Variants in ERF observed in about 807,000 individuals in gnomAD.
The protein encoded by ERF is ETS2 repressor factor, also known as ETS domain-containing transcription factor ERF.
Under a neutral mutation model 41.6 loss-of-function variants are expected in ERF, and 10 were observed. That is an observed-to-expected ratio of 0.24 (90% CI 0.15 to 0.41). ERF has a LOEUF of 0.41. Among genes scored for constraint, ERF ranks in the 10% least tolerant of loss-of-function variants. The pLI, the probability that ERF is intolerant of heterozygous loss-of-function variation, is 1.00. For missense variants in ERF, 621 were observed against 763.2 expected (o/e 0.81, Z 2.19); for synonymous variants, 395 against 342.4 (o/e 1.15, Z -1.70).
Position 42,248,590 on chromosome 19 carries a change from C to T in ERF, c.1522G>A (p.Gly508Ser), listed in dbSNP as rs1327099355. 1.9e-6 allele frequency: 3 copies of T among 1,585,388 alleles called. No individual in the cohort carries two copies. Among genetic ancestry groups the T allele is most frequent in the African/African-American group, 2.7e-5 (2 of 74,088 alleles). ...GGPAGGFEDE[G>S]EDKKVRGEGP... ...TCCCCACGCACCTTCTTGTCCTCAC[C>T]CTCATCCTCAAAGCCCCCAGCGGGG... The change falls in exon 4 of 4, where the codon GGT (glycine) becomes AGT (serine). Residue 508 changes from glycine (G) to serine (S), a missense_variant. Physicochemically the swap from Gly to Ser is moderately conservative, Grantham distance 56 (BLOSUM62 0). Around this residue, in one of 3 missense-constraint regions of ERF, gnomAD observed 569 missense variants for 625.5 expected, o/e 0.91. Transcript: ENST00000222329. The surrounding 1 kb of genome is among the most constrained non-coding windows in gnomAD (Gnocchi z 4.2).
Position 42,248,897 on chromosome 19 carries a change from A to C in ERF, c.1215T>G (p.Ser405Arg). 1 of 1,607,606 alleles carries C rather than the reference A, an allele frequency of 6.2e-7. No individual in the cohort carries two copies. The highest frequency in any genetic ancestry group is 8.5e-7 in the Non-Finnish European group (1 of 1,179,178). ...AVAGADKSGGSAGGLAEGAGA... is the reference protein window; with the variant it reads ...AVAGADKSGGRAGGLAEGAGA... ...CTGCCCCCTCAGCCAGCCCGCCTGC[A>C]CTGCCACCGCTCTTGTCAGCACCGG... The change falls in exon 4 of 4, where the codon AGT (serine) becomes AGG (arginine). Residue 405 changes from serine (S) to arginine (R), a missense_variant. Physicochemically the swap from Ser to Arg is moderately radical, Grantham distance 110 (BLOSUM62 -1). Coordinates refer to ENST00000222329, the MANE Select transcript of ERF (RefSeq NM_006494.4). The surrounding 1 kb of genome is among the most constrained non-coding windows in gnomAD (Gnocchi z 4.2).
chr19:42,249,419 G>A lies in ERF; in HGVS notation c.693C>T (p.Val231=). ...PLARLPHDPG[V]FRVYPRPRGG... ...CCCGAGGCCGGGGATAGACTCGGAA[G>A]ACACCAGGGTCATGGGGCAGGCGGG... Residue 231 remains valine, a synonymous_variant, in exon 4 of 4, where the codon GTC becomes GTT. Coordinates refer to ENST00000222329, the MANE Select transcript of ERF (RefSeq NM_006494.4). This position sits in a 1 kb window ranked among gnomAD's most constrained non-coding sequence, Gnocchi z 8.6. 3.8e-6 allele frequency: 6 copies of A among 1,587,580 alleles called. No homozygotes were observed. The South Asian group carries it at 6.8e-5, about 18-fold the overall frequency.
chr19:42,250,139 A>C lies in ERF; in HGVS notation c.257+192T>G. On this transcript the variant is annotated intron_variant, in intron 2 of 3. Transcript: ENST00000222329. The surrounding 1 kb of genome is among the most constrained non-coding windows in gnomAD (Gnocchi z 5.1). ...GGCAGGACTAGAGGATCCACTGGTG[A>C]CTGTAATCTCTCCTCAGGATACGTC... The C allele has an allele frequency of 1.3e-6, 1 of 751,742 alleles. No individual in the cohort carries two copies. Among genetic ancestry groups the C allele is most frequent in the Non-Finnish European group, 2.2e-6 (1 of 458,012 alleles). 46.6% of individuals were successfully genotyped at this position (751,742 alleles called of 1,614,324 possible). A position where few individuals can be genotyped will look rare whatever the true frequency, so the allele number is the denominator to read the frequency against.
intron 1 of ERF, chr19:42,254,701 C>A (rs939239429): frequency 3.3e-5 from 11 of 336,586 alleles, no homozygotes; most frequent in Non-Finnish European, 6.0e-5. Flanking sequence ...CCCCCGTGAT[C>A]CCGGGAGTGG....
chr19:42,254,380 G>C (rs568408045), intron 1 of ERF, among the ~76,000 whole-genome samples: 5 of 152,082 alleles, frequency 3.3e-5, no homozygotes, highest in East Asian at 1.9e-4. Context: ...TTTTTCGAAC[G>C]TTCGGGCTGC....
In ERF at chr19:42,248,819, C is replaced by G; in HGVS notation, c.1293G>C (p.Ser431=). 6.2e-7 allele frequency: 1 copy of G among 1,613,220 alleles called. No individual in the cohort carries two copies. Among genetic ancestry groups the G allele is most frequent in the Non-Finnish European group, 8.5e-7 (1 of 1,179,872 alleles). Residue 431 remains serine, a synonymous_variant, in exon 4 of 4, where the codon TCG becomes TCC. Transcript: ENST00000222329. This position sits in a 1 kb window ranked among gnomAD's most constrained non-coding sequence, Gnocchi z 4.2. ...PPPQIKVEPI[S]EGESEEVEVT... ...CCTCTACCTCCTCCGACTCGCCTTC[C>G]GAGATGGGCTCCACCTTGATCTGTG...
In ERF at chr19:42,248,393, G is replaced by A; in HGVS notation, c.*72C>T. ...GACAAGAGAGCTGCCCTCACCTCCA[G>A]GGCATAGGGGGCTTAAGGCAGCAAA... On this transcript the variant is annotated 3_prime_UTR_variant, in exon 4 of 4. Coordinates refer to ENST00000222329, the MANE Select transcript of ERF (RefSeq NM_006494.4). This position sits in a 1 kb window ranked among gnomAD's most constrained non-coding sequence, Gnocchi z 4.2. The A allele has an allele frequency of 7.5e-7, 1 of 1,338,272 alleles. No individual in the cohort carries two copies. The highest frequency in any genetic ancestry group is 9.7e-7 in the Non-Finnish European group (1 of 1,030,348). 82.9% of individuals were successfully genotyped at this position (1,338,272 alleles called of 1,614,324 possible).
intron 1 of ERF, chr19:42,251,145 C>A: frequency 1.2e-5 from 11 of 901,020 alleles, no homozygotes; most frequent in Non-Finnish European, 1.3e-5. Flanking sequence ...CGCTTGCACA[C>A]ACAGAGGCTT....
intron 1 of ERF, chr19:42,251,130 G>T: frequency 1.2e-6 from 1 of 801,504 alleles, no homozygotes; most frequent in Non-Finnish European, 1.5e-6. Flanking sequence ...TGCCGATGAG[G>T]TCAGCGCTTG....
In ERF at chr19:42,248,634, C is replaced by T. The variant is rs762382429; in HGVS notation, c.1478G>A (p.Arg493His). The T allele has an allele frequency of 1.3e-5, 21 of 1,587,534 alleles. No homozygotes were observed. Among genetic ancestry groups the T allele is most frequent in the African/African-American group, 4.0e-5 (3 of 74,384 alleles). Residue 493 changes from arginine to histidine, a missense_variant, in exon 4 of 4, where the codon CGC becomes CAC. This residue lies in a region of ERF where 569 missense variants were observed against 625.5 expected (regional missense o/e 0.91). Coordinates refer to ENST00000222329, the MANE Select transcript of ERF (RefSeq NM_006494.4). This position sits in a 1 kb window ranked among gnomAD's most constrained non-coding sequence, Gnocchi z 4.2. ...RFKRRWSEDC[R>H]LEGGGGPAGG... ...AGCGGGGCCCCCACCCCCTTCGAGG[C>T]GACAGTCTTCACTCCAGCGCCGCTT... is the stretch of plus-strand genomic sequence containing the variant.
intron 1 of ERF, 68 bp downstream of exon 1, chr19:42,254,910 C>T: frequency 6.7e-7 from 1 of 1,495,408 alleles, no homozygotes; most frequent in Non-Finnish European, 8.9e-7. Flanking sequence ...CTTCAGCCCC[C>T]CCAAAGTTTC....
At position 42,249,818 on chromosome 19, in the gene ERF, G is replaced by C; in HGVS notation, c.373+9C>G. 3 of 1,614,124 alleles carry C rather than the reference G, an allele frequency of 1.9e-6. No homozygotes were observed. Among genetic ancestry groups the C allele is most frequent in the Non-Finnish European group, 2.5e-6 (3 of 1,179,994 alleles). The stretch of plus-strand genomic sequence containing the variant: ...GACCCTCTCCACACCAACCATCCCT[G>C]GTACTCACCAGCCAACCCCACATCA... On this transcript the variant is annotated intron_variant, in intron 3 of 3. Transcript: ENST00000222329. This position sits in a 1 kb window ranked among gnomAD's most constrained non-coding sequence, Gnocchi z 8.6.
chr19:42,248,192 C>A lies in ERF; in HGVS notation c.*273G>T. ...TATAAATTCCCCAGAATGGAGGTGA[C>A]CCCCTTAACTTCCCCCTCCCTCCCC... is the stretch of plus-strand genomic sequence containing the variant. On this transcript the variant is annotated 3_prime_UTR_variant, in exon 4 of 4. Coordinates refer to ENST00000222329, the MANE Select transcript of ERF (RefSeq NM_006494.4). This position sits in a 1 kb window ranked among gnomAD's most constrained non-coding sequence, Gnocchi z 4.2. 1 of 368,410 alleles carries A rather than the reference C, an allele frequency of 2.7e-6. No homozygotes were observed. The highest frequency in any genetic ancestry group is 4.8e-6 in the Non-Finnish European group (1 of 207,640). 22.8% of individuals were successfully genotyped at this position (368,410 alleles called of 1,614,324 possible). A position where few individuals can be genotyped will look rare whatever the true frequency, so the allele number is the denominator to read the frequency against.
At position 42,250,804 on chromosome 19, in the gene ERF, A is replaced by G. The variant is rs2036432294; in HGVS notation, c.23-239T>C. ...CCGCTCCAGCGACACCGGGAGAAAC[A>G]GGAAACCGTCGGCGGTGGGTCCCGG... On this transcript the variant is annotated intron_variant, in intron 1 of 3. Transcript: ENST00000222329. The surrounding 1 kb of genome is among the most constrained non-coding windows in gnomAD (Gnocchi z 5.1). 6.6e-6 allele frequency among the ~76,000 whole-genome samples: 1 copy of G among 152,162 alleles called. No homozygotes were observed. Among genetic ancestry groups the G allele is most frequent in the African/African-American group, 2.4e-5 (1 of 41,442 alleles).
Position 42,250,471 on chromosome 19 carries a change from C to A in ERF, c.117G>T (p.Lys39Asn). Residue 39 changes from lysine (K) to asparagine (N), a missense_variant, in exon 2 of 4, where the codon AAG becomes AAT. Coordinates refer to ENST00000222329, the MANE Select transcript of ERF (RefSeq NM_006494.4). The surrounding 1 kb of genome is among the most constrained non-coding windows in gnomAD (Gnocchi z 5.1). ...LWHFILELLR[K>N]EEYQGVIAWQ... ...AGGCAATGACGCCCTGGTACTCCTC[C>A]TTCCGCAGCAGCTCCAGGATAAAGT... The A allele has an allele frequency of 6.2e-7, 1 of 1,613,602 alleles. No homozygotes were observed. The highest frequency in any genetic ancestry group is 2.2e-5 in the East Asian group (1 of 44,876).
chr19:42,252,237 C>T (rs1051403637), intron 1 of ERF, among the ~76,000 whole-genome samples: 2 of 152,200 alleles, frequency 1.3e-5, no homozygotes, highest in African/African-American at 4.8e-5. Flanking sequence ...GAACCAAGCT[C>T]CATGTTACTT....
At position 42,249,714 on chromosome 19, in the gene ERF, G is replaced by A. The variant is rs2036411561; in HGVS notation, c.398C>T (p.Pro133Leu). 1 of 1,596,992 alleles carries A rather than the reference G, an allele frequency of 6.3e-7. No individual in the cohort carries two copies. The highest frequency in any genetic ancestry group is 8.6e-7 in the Non-Finnish European group (1 of 1,169,516). ...LAGGAVPQSA[P>L]PVPSGGSHFR... Reference sequence around the variant, plus strand: ...GTGGCTACCACCCGACGGCACTGGCGGGGCACTCTGGGGCACTGCACCCCC... The same window carrying A: ...GTGGCTACCACCCGACGGCACTGGCAGGGCACTCTGGGGCACTGCACCCCC... The change falls in exon 4 of 4, where the codon CCG (proline) becomes CTG (leucine). Residue 133 changes from proline (P) to leucine (L), a missense_variant. By Grantham distance (98) the Pro-to-Leu change is moderately conservative. Coordinates refer to ENST00000222329, the MANE Select transcript of ERF (RefSeq NM_006494.4). This position sits in a 1 kb window ranked among gnomAD's most constrained non-coding sequence, Gnocchi z 8.6.
At position 42,249,918 on chromosome 19, in the gene ERF, C is replaced by T. The variant is rs762831348; in HGVS notation, c.282G>A (p.Leu94=). 5.0e-6 allele frequency: 8 copies of T among 1,614,124 alleles called. No homozygotes were observed. The Admixed American group carries it at 1.3e-4, about 27-fold the overall frequency. ...ALRYYYNKRI[L]HKTKGKRFTY... ...TGAACCGTTTCCCCTTGGTCTTGTGCAGAATGCGCTTGTTATAGTAATAGC... is the reference window on the plus strand; with the variant it reads ...TGAACCGTTTCCCCTTGGTCTTGTGTAGAATGCGCTTGTTATAGTAATAGC... Residue 94 remains leucine (L), a synonymous_variant, in exon 3 of 4, where the codon CTG becomes CTA. Coordinates refer to ENST00000222329, the MANE Select transcript of ERF (RefSeq NM_006494.4). This position sits in a 1 kb window ranked among gnomAD's most constrained non-coding sequence, Gnocchi z 8.6.
At chr19:42,252,574 C>T (rs921968381) in intron 1 of ERF, among the ~76,000 whole-genome samples, 1 of 152,208 alleles carries the variant, frequency 6.6e-6, no homozygotes, top group Non-Finnish European at 1.5e-5. Context: ...CTGTCCCAGG[C>T]CCCCTTGTTA....
Sources: gnomAD v4.1 joint callset for allele counts (sites outside exome capture counted in the v4.1 genomes callset) on GRCh38, gnomAD v4.1.1 for gene constraint, gnomAD v4.1.1 regional missense constraint, Gnocchi (gnomAD v3.1) non-coding constraint, MANE v1.5 for transcripts, NCBI Gene and HGNC (gene_info 2026-07-23, HGNC 2026-07-21) for gene names.